HYAL4: variants seen among roughly 807,000 people sequenced by gnomAD.
The protein encoded by HYAL4 is hyaluronidase 4.
HYAL4 carries 37 observed loss-of-function variants against 35.2 expected under a neutral mutation model. The observed-to-expected ratio is 1.05, with a 90% confidence interval of 0.81 to 1.38. The LOEUF (loss-of-function observed/expected upper bound fraction) is 1.38. Among genes scored for constraint, HYAL4 ranks in the 40% most tolerant of loss-of-function variants. HYAL4 has a pLI of 0.00. For synonymous variants in HYAL4, 198 were observed against 203.2 expected (o/e 0.97, Z 0.22); for missense variants, 572 against 572.4 (o/e 1.00, Z 0.01).
chr7:123,813,400 T>G, the HYAL4 span, among the ~76,000 whole-genome samples: 1 of 152,216 alleles, frequency 6.6e-6, no homozygotes, highest in South Asian at 2.1e-4. Context: ...AAGAGACAAG[T>G]TTTATTTAGG....
intron 4 of HYAL4, among the ~76,000 whole-genome samples, chr7:123,875,386 C>T (rs1806984342): frequency 1.3e-5 from 2 of 152,024 alleles, no homozygotes; most frequent in African/African-American, 4.8e-5. Context: ...AGATTTATGG[C>T]GGGGCACGGT....
At chr7:123,864,175 T>C (rs571775687) in intron 2 of HYAL4, among the ~76,000 whole-genome samples, 1 of 152,306 alleles carries the variant, frequency 6.6e-6, no homozygotes, top group African/African-American at 2.4e-5. Flanking sequence ...CCTCACTTCC[T>C]TCTACTAGAG....
chr7:123,790,271 T>A, the HYAL4 span, among the ~76,000 whole-genome samples: 1 of 152,162 alleles, frequency 6.6e-6, no homozygotes, highest in East Asian at 1.9e-4. Flanking sequence ...TATAAATGTT[T>A]TTGCATATAT....
the HYAL4 span, among the ~76,000 whole-genome samples, chr7:123,787,124 A>G: frequency 6.8e-6 from 1 of 148,094 alleles, no homozygotes; most frequent in Non-Finnish European, 1.5e-5. Context: ...AAAAAAAAAA[A>G]AAAGAAAAAG....
At chr7:123,831,785 G>A (rs1191673961) in intron 1 of HYAL4, among the ~76,000 whole-genome samples, 2 of 152,180 alleles carry the variant, frequency 1.3e-5, no homozygotes, top group East Asian at 1.9e-4. Context: ...ATGAAAGGAT[G>A]GACTGTAGAT....
At chr7:123,810,857 A>C in the HYAL4 span, among the ~76,000 whole-genome samples, 431 of 152,234 alleles carry the variant, frequency 2.8e-3, 1 homozygote, top group Non-Finnish European at 4.4e-3. Flanking sequence ...GCAACCACTA[A>C]ATTTTTTTAT....
upstream of HYAL4, among the ~76,000 whole-genome samples, chr7:123,826,917 G>T (rs1451215289): frequency 6.6e-6 from 1 of 152,118 alleles, no homozygotes; most frequent in Non-Finnish European, 1.5e-5. Context: ...CCAAGATTTT[G>T]CTCCTGAGGC....
chr7:123,835,495 T>C (rs1417764457), intron 1 of HYAL4, among the ~76,000 whole-genome samples: 1 of 152,184 alleles, frequency 6.6e-6, no homozygotes, highest in Non-Finnish European at 1.5e-5. Context: ...ATCTTGCTAA[T>C]GGTCTATCAA....
At chr7:123,767,092 A>G in the HYAL4 span, among the ~76,000 whole-genome samples, 9,908 of 152,292 alleles carry the variant, frequency 0.065, 414 homozygotes, top group East Asian at 0.11. Flanking sequence ...AAAAAATTAT[A>G]TATGTTTAAA....
chr7:123,823,726 AT>A, the HYAL4 span, among the ~76,000 whole-genome samples: 1 of 85,522 alleles, frequency 1.2e-5, no homozygotes, highest in Non-Finnish European at 2.2e-5. Context: ...ACACATATAT[AT>A]TTTATATATA....
At chr7:123,867,799 C>T (rs964496665) in intron 2 of HYAL4, among the ~76,000 whole-genome samples, 1 of 152,114 alleles carries the variant, frequency 6.6e-6, no homozygotes, top group African/African-American at 2.4e-5. Context: ...GCCTCAGTTT[C>T]CCCATTTGTA....
chr7:123,811,526 T>A, the HYAL4 span, among the ~76,000 whole-genome samples: 1 of 151,884 alleles, frequency 6.6e-6, no homozygotes, highest in Non-Finnish European at 1.5e-5. Flanking sequence ...TTTAAATCTG[T>A]TGTTCATTTT....
the HYAL4 span, among the ~76,000 whole-genome samples, chr7:123,787,048 A>G: frequency 6.8e-6 from 1 of 147,644 alleles, no homozygotes; most frequent in African/African-American, 2.5e-5. Context: ...CAGAGGTTGC[A>G]GTGAGCTGAG....
At chr7:123,810,843 C>T in the HYAL4 span, among the ~76,000 whole-genome samples, 1 of 152,222 alleles carries the variant, frequency 6.6e-6, no homozygotes, top group East Asian at 1.9e-4. Context: ...CTCCCCAACC[C>T]TTGGCAACCA....
chr7:123,859,473 A>G (rs1806533051), intron 2 of HYAL4, among the ~76,000 whole-genome samples: 1 of 152,176 alleles, frequency 6.6e-6, no homozygotes, highest in African/African-American at 2.4e-5. Flanking sequence ...TTCTTTTACC[A>G]TAGATAGTAA....
chr7:123,823,436 G>A, the HYAL4 span, among the ~76,000 whole-genome samples: 1 of 152,028 alleles, frequency 6.6e-6, no homozygotes, highest in East Asian at 1.9e-4. Flanking sequence ...TCTTTGCCTT[G>A]CTTTGGTATC....
the HYAL4 span, among the ~76,000 whole-genome samples, chr7:123,811,382 A>G: frequency 1.3e-5 from 2 of 152,230 alleles, no homozygotes. Context: ...GATTTGGGCC[A>G]TTCATTAATA....
At chr7:123,839,298 C>T (rs1806016470) in intron 1 of HYAL4, among the ~76,000 whole-genome samples, 1 of 152,096 alleles carries the variant, frequency 6.6e-6, no homozygotes, top group Non-Finnish European at 1.5e-5. Flanking sequence ...CATCCATGTC[C>T]CTGCAAAGGA....
chr7:123,776,748 G>C, the HYAL4 span, among the ~76,000 whole-genome samples: 96 of 152,214 alleles, frequency 6.3e-4, no homozygotes, highest in African/African-American at 2.2e-3. Flanking sequence ...GGGAAGATGA[G>C]GTTTTGGAGA....
Sources: gnomAD v4.1 joint callset for allele counts (sites outside exome capture counted in the v4.1 genomes callset) on GRCh38, gnomAD v4.1.1 for gene constraint, MANE v1.5 for transcripts, NCBI Gene and HGNC (gene_info 2026-07-23, HGNC 2026-07-21) for gene names.